The following RELN variants were observed in gnomAD, a reference collection of about 807,000 sequenced individuals.
RELN encodes reelin.
RELN carries 108 observed loss-of-function variants against 427.6 expected under a neutral mutation model. The observed-to-expected ratio is 0.25, with a 90% CI of 0.22 to 0.30. RELN has a LOEUF of 0.30. Ranked by LOEUF, RELN falls within the 10% of genes least tolerant of loss-of-function variation. The pLI is 1.00. For synonymous variants in RELN, 1,524 were observed against 1,513.4 expected, an observed-to-expected ratio of 1.01 and a Z score of -0.16; for missense variants, 3,715 against 4,302.8, an observed-to-expected ratio of 0.86 and a Z score of 3.82.
chr7:103,495,871 C>T lies in RELN; in HGVS notation c.9221G>A (p.Ser3074Asn). 6.2e-7 allele frequency: 1 copy of T among 1,613,770 alleles called. No homozygotes were observed. Among genetic ancestry groups the T allele is most frequent in the Non-Finnish European group, 8.5e-7 (1 of 1,179,870 alleles). The change falls in exon 57 of 65, where the codon AGT becomes AAT. Residue 3074 changes from serine (S) to asparagine (N), a missense_variant. Physicochemically the swap from Ser to Asn is conservative, Grantham distance 46. Coordinates refer to ENST00000428762, the MANE Select transcript of RELN (RefSeq NM_005045.4). ...DEGTSHEENW[S>N]FYPNAVRTAG... The stretch of plus-strand genomic sequence containing the variant: ...TGTCCTTACAGCATTAGGGTAAAAA[C>T]TCCAGTTTTCTTCATGGGAAGTGCC...
chr7:103,823,969 AT>A (rs1444218626), intron 3 of RELN, among the ~76,000 whole-genome samples: 1 of 152,064 alleles, frequency 6.6e-6, no homozygotes, highest in Non-Finnish European at 1.5e-5. Context: ...CACTTTGATG[AT>A]ATTGTTCCAT....
intron 10 of RELN, among the ~76,000 whole-genome samples, chr7:103,687,293 A>T (rs1392400727): frequency 6.6e-6 from 1 of 152,098 alleles, no homozygotes; most frequent in African/African-American, 2.4e-5. Flanking sequence ...AGGCTTTTAG[A>T]CTTGCCTCCT....
At chr7:103,959,947 C>T (rs1796513323) in intron 1 of RELN, among the ~76,000 whole-genome samples, 1 of 152,156 alleles carries the variant, frequency 6.6e-6, no homozygotes, top group Admixed American at 6.6e-5. Flanking sequence ...TCAAATCTGA[C>T]ATCACCATGG....
intron 2 of RELN, among the ~76,000 whole-genome samples, chr7:103,890,721 A>G (rs533833032): frequency 3.3e-5 from 5 of 152,304 alleles, no homozygotes; most frequent in African/African-American, 9.6e-5. Context: ...GCACCAGGCC[A>G]TGGTAGGACC....
At chr7:103,736,981 T>C (rs1210672215) in intron 6 of RELN, among the ~76,000 whole-genome samples, 1 of 151,970 alleles carries the variant, frequency 6.6e-6, no homozygotes, top group Non-Finnish European at 1.5e-5. Flanking sequence ...AAAAAAGTTA[T>C]TAACAAAAGA....
chr7:103,531,364 C>G (rs1829936632), intron 46 of RELN, among the ~76,000 whole-genome samples: 1 of 152,200 alleles, frequency 6.6e-6, no homozygotes, highest in Admixed American at 6.5e-5. Context: ...ATGTGTATGG[C>G]AAGGAATAGA....
rs113748073 is a variant in RELN at position 103,755,895 on chromosome 7, T to C, written c.545-2681A>G. ...TTGCAAAAGGGATTCTCTGTATTCA[T>C]GTTATAAAGTGTTAAAAAGAAAAGA... On this transcript the variant is annotated intron_variant, in intron 4 of 64. Transcript: ENST00000428762. Among the ~76,000 whole-genome samples, 68 of 150,992 alleles carry C rather than the reference T, an allele frequency of 4.5e-4. 1 individual carries two copies. Among genetic ancestry groups the C allele is most frequent in the African/African-American group, 1.6e-3 (68 of 41,294 alleles).
At chr7:103,547,771 A>AT (rs907586549) in intron 41 of RELN, among the ~76,000 whole-genome samples, 3 of 152,062 alleles carry the variant, frequency 2.0e-5, no homozygotes, top group East Asian at 1.9e-4. Context: ...GCCTACAAGG[A>AT]TTTTTTTTGA....
At chr7:103,967,934 C>A (rs1796691226) in intron 1 of RELN, among the ~76,000 whole-genome samples, 1 of 151,890 alleles carries the variant, frequency 6.6e-6, no homozygotes, top group African/African-American at 2.4e-5. Flanking sequence ...TCCTGTCGCA[C>A]CATTTATTAT....
At chr7:103,978,568 C>A (rs1796928153) in intron 1 of RELN, among the ~76,000 whole-genome samples, 1 of 152,166 alleles carries the variant, frequency 6.6e-6, no homozygotes, top group African/African-American at 2.4e-5. Context: ...TGGTACAGGA[C>A]AAACTTGTTC....
At chr7:103,534,403 T>G (rs1388840645) in intron 46 of RELN, among the ~76,000 whole-genome samples, 1 of 152,238 alleles carries the variant, frequency 6.6e-6, no homozygotes, top group Non-Finnish European at 1.5e-5. Flanking sequence ...AATTCTCTGC[T>G]TTACTCAAAC....
chr7:103,633,341 T>G (rs2117342676), intron 19 of RELN, among the ~76,000 whole-genome samples: 1 of 152,134 alleles, frequency 6.6e-6, no homozygotes, highest in Middle Eastern at 3.4e-3. Flanking sequence ...AGAATTTACA[T>G]GGTTTGTATT....
intron 11 of RELN, among the ~76,000 whole-genome samples, chr7:103,674,370 T>A (rs545135488): frequency 6.6e-6 from 1 of 152,322 alleles, no homozygotes; most frequent in East Asian, 1.9e-4. Context: ...ACTTATTTGA[T>A]TCCTAGTCCT....
intron 48 of RELN, among the ~76,000 whole-genome samples, chr7:103,521,178 A>G (rs1829700771): frequency 6.6e-6 from 1 of 150,414 alleles, no homozygotes; most frequent in Non-Finnish European, 1.5e-5. Context: ...ACGGGGTTTC[A>G]CCTTGTTAGC....
intron 1 of RELN, among the ~76,000 whole-genome samples, chr7:103,924,202 T>C (rs1187845879): frequency 1.3e-5 from 2 of 152,106 alleles, no homozygotes; most frequent in Non-Finnish European, 2.9e-5. Context: ...TCCTGGAGTA[T>C]CCCCAGCAGG....
intron 1 of RELN, among the ~76,000 whole-genome samples, chr7:103,937,333 G>C (rs1302990235): frequency 6.6e-6 from 1 of 152,230 alleles, no homozygotes; most frequent in African/African-American, 2.4e-5. Flanking sequence ...GTGTCTCACA[G>C]ACATGTTTTG....
intron 11 of RELN, among the ~76,000 whole-genome samples, chr7:103,668,146 C>G (rs1461177680): frequency 6.6e-6 from 1 of 152,112 alleles, no homozygotes; most frequent in Non-Finnish European, 1.5e-5. Flanking sequence ...ATGAGGATAG[C>G]TTGAACCTGA....
chr7:103,854,039 G>C (rs1239833349), intron 2 of RELN, among the ~76,000 whole-genome samples: 1 of 152,062 alleles, frequency 6.6e-6, no homozygotes, highest in Non-Finnish European at 1.5e-5. Flanking sequence ...ACCCCAATTA[G>C]ATCACTACAC....
intron 10 of RELN, among the ~76,000 whole-genome samples, chr7:103,682,539 A>G (rs781565714): frequency 9.2e-5 from 14 of 152,208 alleles, no homozygotes; most frequent in Non-Finnish European, 1.6e-4. Flanking sequence ...CAATTGGAAT[A>G]ATTTCCCATC....
Sources: allele counts gnomAD v4.1 joint callset (sites outside exome capture counted in the v4.1 genomes callset), GRCh38; gene constraint gnomAD v4.1.1; transcripts MANE v1.5; gene names NCBI Gene and HGNC (gene_info 2026-07-23, HGNC 2026-07-21).